GABRG3: variants seen among roughly 807,000 people sequenced by gnomAD.
GABRG3 encodes gamma-aminobutyric acid type A receptor subunit gamma3.
In GABRG3, 25 loss-of-function variants were observed where a neutral mutation model predicts 48.8. The observed-to-expected ratio is 0.51, with a 90% CI of 0.37 to 0.72. The LOEUF (loss-of-function observed/expected upper bound fraction) is 0.72, where lower values mean the gene tolerates loss of function less well. GABRG3 is among the 30% of genes least tolerant of loss of function. GABRG3 has a pLI of 0.00. For missense variants in GABRG3, 394 were observed against 577.9 expected (o/e 0.68, Z 3.26); for synonymous variants, 227 against 217.6 (o/e 1.04, Z -0.38).
At chr15:27,082,700 A>C (rs911173667) in intron 3 of GABRG3, among the ~76,000 whole-genome samples, 14 of 152,344 alleles carry the variant, frequency 9.2e-5, no homozygotes, top group African/African-American at 3.4e-4. Context: ...AAACTCATTT[A>C]GTTTATGAAC....
intron 3 of GABRG3, among the ~76,000 whole-genome samples, chr15:27,310,162 G>A (rs1380908356): frequency 2.0e-5 from 3 of 152,012 alleles, no homozygotes; most frequent in East Asian, 1.9e-4. Context: ...GTGATCAGTG[G>A]TTGGCAGCAG....
At chr15:27,030,080 A>G (rs561444709) in intron 3 of GABRG3, among the ~76,000 whole-genome samples, 1 of 152,318 alleles carries the variant, frequency 6.6e-6, no homozygotes, top group East Asian at 1.9e-4. Context: ...TGAGTTAGCA[A>G]TAAAAAAGGA....
At chr15:26,971,732 T>G (rs1031417388) in intron 1 of GABRG3, 144 bp downstream of exon 1, 70 of 875,320 alleles carry the variant, frequency 8.0e-5, no homozygotes, top group Non-Finnish European at 1.1e-4. Context: ...GAAGTCGGTC[T>G]GCACCTCACC....
intron 3 of GABRG3, among the ~76,000 whole-genome samples, chr15:27,264,025 G>C (rs1205368652): frequency 6.6e-6 from 1 of 152,146 alleles, no homozygotes; most frequent in Non-Finnish European, 1.5e-5. Flanking sequence ...AGATATAGTA[G>C]GGGATGGGAA....
intron 5 of GABRG3, among the ~76,000 whole-genome samples, chr15:27,349,272 T>C (rs1381724861): frequency 6.6e-6 from 1 of 152,064 alleles, no homozygotes; most frequent in Non-Finnish European, 1.5e-5. Context: ...AATTAAAAAA[T>C]GAAATAGGGG....
intron 5 of GABRG3, among the ~76,000 whole-genome samples, chr15:27,381,735 C>T (rs1316253603): frequency 6.6e-6 from 1 of 152,170 alleles, no homozygotes; most frequent in Non-Finnish European, 1.5e-5. Flanking sequence ...GACTGGAAAC[C>T]AGAAGTCCTC....
intron 5 of GABRG3, among the ~76,000 whole-genome samples, chr15:27,403,117 A>C (rs2140589507): frequency 6.6e-6 from 1 of 152,330 alleles, no homozygotes; most frequent in Admixed American, 6.5e-5. Context: ...TGAACTAGAA[A>C]CAATAAATTA....
intron 3 of GABRG3, among the ~76,000 whole-genome samples, chr15:27,138,741 G>T (rs1345386139): frequency 6.6e-6 from 1 of 152,098 alleles, no homozygotes; most frequent in Non-Finnish European, 1.5e-5. Flanking sequence ...GATTCTGAAG[G>T]CATAATTCCA....
At chr15:27,219,461 C>A (rs1345691483) in intron 3 of GABRG3, among the ~76,000 whole-genome samples, 2 of 152,178 alleles carry the variant, frequency 1.3e-5, no homozygotes, top group Non-Finnish European at 2.9e-5. Flanking sequence ...GGGTCTGCCT[C>A]TTTCCACCCC....
intron 5 of GABRG3, among the ~76,000 whole-genome samples, chr15:27,473,538 T>C (rs1363812823): frequency 6.6e-6 from 1 of 152,240 alleles, no homozygotes; most frequent in Non-Finnish European, 1.5e-5. Flanking sequence ...TAGTTTTACT[T>C]AATCTATGAA....
chr15:27,433,485 C>T (rs1471993463), intron 5 of GABRG3, among the ~76,000 whole-genome samples: 1 of 152,068 alleles, frequency 6.6e-6, no homozygotes, highest in Admixed American at 6.5e-5. Flanking sequence ...TTTCAGAGTT[C>T]CGAAAAGGTT....
chr15:27,368,476 G>A lies in GABRG3; in HGVS notation c.574+39588G>A, dbSNP rs1193043055. 2.0e-5 allele frequency among the ~76,000 whole-genome samples: 3 copies of A among 152,340 alleles called. No homozygotes were observed. The South Asian group carries it at 6.2e-4, about 32-fold the overall frequency. On this transcript the variant is annotated intron_variant, in intron 5 of 9. Coordinates refer to ENST00000615808, the MANE Select transcript of GABRG3 (RefSeq NM_033223.5). ...ACAATTACATTTCTGTAAAGTTATT[G>A]CATAGCATGAATAATTATAATAAGA...
At chr15:27,146,952 A>T (rs893710678) in intron 3 of GABRG3, among the ~76,000 whole-genome samples, 11 of 152,090 alleles carry the variant, frequency 7.2e-5, no homozygotes, top group Non-Finnish European at 1.6e-4. Context: ...ATTACATTAA[A>T]TGTAAATAGT....
chr15:27,061,844 C>T (rs1210952714), intron 3 of GABRG3, among the ~76,000 whole-genome samples: 1 of 152,152 alleles, frequency 6.6e-6, no homozygotes, highest in Admixed American at 6.5e-5. Flanking sequence ...GCACCCCTCT[C>T]CCGCCCCGTG....
At chr15:27,433,939 G>A (rs1378321274) in intron 5 of GABRG3, among the ~76,000 whole-genome samples, 1 of 152,096 alleles carries the variant, frequency 6.6e-6, no homozygotes, top group African/African-American at 2.4e-5. Context: ...TCTAGCAAAT[G>A]TTTACCTCCC....
At chr15:27,415,006 G>A (rs1442647602) in intron 5 of GABRG3, among the ~76,000 whole-genome samples, 1 of 152,054 alleles carries the variant, frequency 6.6e-6, no homozygotes, top group Non-Finnish European at 1.5e-5. Flanking sequence ...GGTCCTCTGA[G>A]CTTCCTGGAT....
At chr15:27,272,524 A>G (rs1336531551) in intron 3 of GABRG3, among the ~76,000 whole-genome samples, 1 of 152,166 alleles carries the variant, frequency 6.6e-6, no homozygotes, top group Non-Finnish European at 1.5e-5. Context: ...GACTGCACCT[A>G]CTCTAAGCTG....
chr15:27,288,797 G>A (rs948840407), intron 3 of GABRG3, among the ~76,000 whole-genome samples: 6 of 151,786 alleles, frequency 4.0e-5, no homozygotes, highest in East Asian at 1.9e-4. Flanking sequence ...TCTGAAGCTC[G>A]TCCAAATTTC....
chr15:27,158,942 G>T (rs1898503906), intron 3 of GABRG3, among the ~76,000 whole-genome samples: 1 of 151,982 alleles, frequency 6.6e-6, no homozygotes, highest in Non-Finnish European at 1.5e-5. Context: ...CACACACACT[G>T]CCCACCTGTT....
Sources: gnomAD v4.1 joint callset for allele counts (sites outside exome capture counted in the v4.1 genomes callset) on GRCh38, gnomAD v4.1.1 for gene constraint, MANE v1.5 for transcripts, NCBI Gene and HGNC (gene_info 2026-07-23, HGNC 2026-07-21) for gene names.